Variants in F11R observed in about 807,000 individuals in gnomAD.
F11R encodes F11 receptor, also known as junctional adhesion molecule A.
A neutral mutation model predicts 39.3 loss-of-function variants in F11R; 27 were observed. The ratio of observed to expected loss-of-function variants is 0.69; its 90% CI spans 0.51 to 0.95. The LOEUF (loss-of-function observed/expected upper bound fraction) is 0.95, where lower values mean the gene tolerates loss of function less well. F11R is among the 40% of genes least tolerant of loss of function. The pLI is 0.00. For synonymous variants in F11R, 131 were observed against 144.9 expected (o/e 0.90, Z 0.69); for missense variants, 335 against 372.7 (o/e 0.90, Z 0.83).
chr1:161,018,195 T>C (rs1649567652), intron 1 of F11R, among the ~76,000 whole-genome samples: 1 of 152,204 alleles, frequency 6.6e-6, no homozygotes, highest in African/African-American at 2.4e-5. Flanking sequence ...GTGTCTACCC[T>C]CTGGATCTCT....
intron 1 of F11R, among the ~76,000 whole-genome samples, chr1:161,007,877 C>A (rs1337613901): frequency 6.6e-6 from 1 of 152,178 alleles, no homozygotes; most frequent in African/African-American, 2.4e-5. Flanking sequence ...CACAGCTGTA[C>A]CAGCAGAGCT....
rs1648418562 is a variant in F11R, at chr1:161,000,566, T to C, written c.388+65A>G. On this transcript the variant is annotated intron_variant, in intron 4 of 9. Transcript: ENST00000368026. ...TTCTCACCATCAAAGAGCTCCAAAG[T>C]GCAGCAGAGCCTGCTATGAGAAGTA... is the stretch of plus-strand genomic sequence containing the variant. 3 of 1,601,256 alleles carry C rather than the reference T, an allele frequency of 1.9e-6. No individual in the cohort carries two copies. The East Asian group carries it at 6.7e-5, about 36-fold the overall frequency.
intron 1 of F11R, among the ~76,000 whole-genome samples, chr1:161,018,944 A>C (rs1649601823): frequency 6.6e-6 from 1 of 152,236 alleles, no homozygotes; most frequent in Admixed American, 6.5e-5. Context: ...TTCCAGTGCC[A>C]GTATATGATT....
chr1:161,000,474 C>A (rs1648415604), intron 4 of F11R, 126 bp from the exon 5 acceptor site: 1 of 1,386,502 alleles, frequency 7.2e-7, no homozygotes, highest in Non-Finnish European at 1.0e-6. Context: ...CCCCTGGCTG[C>A]CACCTAACCA....
chr1:161,000,370 G>A, intron 4 of F11R, 22 bp from the exon 5 acceptor site: 3 of 1,610,902 alleles, frequency 1.9e-6, no homozygotes, highest in South Asian at 1.1e-5. Flanking sequence ...AAAGACAGAA[G>A]GTGCTGAGTA....
chr1:161,005,155 G>A (rs1269367036), intron 1 of F11R, among the ~76,000 whole-genome samples: 1 of 118,532 alleles, frequency 8.4e-6, no homozygotes, highest in Non-Finnish European at 2.0e-5. Flanking sequence ...GCAAGACTCT[G>A]TCTCAAAAAT....
At chr1:161,003,452 G>A (rs1648613141) in intron 1 of F11R, among the ~76,000 whole-genome samples, 1 of 151,946 alleles carries the variant, frequency 6.6e-6, no homozygotes, top group Non-Finnish European at 1.5e-5. Flanking sequence ...TAGTAGAGAT[G>A]GGGTTTCACC....
At chr1:161,011,235 A>G (rs909407659) in intron 1 of F11R, among the ~76,000 whole-genome samples, 3 of 151,714 alleles carry the variant, frequency 2.0e-5, no homozygotes, top group Admixed American at 2.0e-4. Context: ...GTTTCACCAC[A>G]TTGGCCAGGC....
intron 1 of F11R, among the ~76,000 whole-genome samples, chr1:161,015,507 C>T (rs1279782652): frequency 1.3e-5 from 2 of 150,672 alleles, no homozygotes; most frequent in African/African-American, 4.9e-5. Context: ...AGGAGAATCA[C>T]TTGAACCTGG....
intron 1 of F11R, among the ~76,000 whole-genome samples, chr1:161,018,388 C>CCT (rs1649578078): frequency 6.6e-6 from 1 of 152,208 alleles, no homozygotes; most frequent in African/African-American, 2.4e-5. Context: ...ACAAGCTAGA[C>CCT]ACCCAAGAAA....
Position 160,998,690 on chromosome 1 carries a change from G to A in F11R, c.*181C>T, listed in dbSNP as rs1187387342. 12 of 629,242 alleles carry A rather than the reference G, an allele frequency of 1.9e-5. No homozygotes were observed. Among genetic ancestry groups the A allele is most frequent in the Non-Finnish European group, 2.9e-5 (10 of 350,282 alleles). 39.0% of individuals were successfully genotyped at this position (629,242 alleles called of 1,614,324 possible). A position where few individuals can be genotyped will look rare whatever the true frequency, so the allele number is the denominator to read the frequency against. On this transcript the variant is annotated 3_prime_UTR_variant, in exon 10 of 10. Transcript: ENST00000368026. ...TCAGCAGTGGTAGGAAAGGGAGGGA[G>A]GGCATGAAGGAGGATGGGGCACATA... is the stretch of plus-strand genomic sequence containing the variant.
intron 1 of F11R, among the ~76,000 whole-genome samples, chr1:161,004,633 A>G (rs1648696301): frequency 6.6e-6 from 1 of 152,068 alleles, no homozygotes. Context: ...TACTTAAGCC[A>G]AAGAGTGGGA....
rs750426673 is a variant in F11R, at chr1:161,021,026, T to C, written c.48A>G (p.Ile16Met). 2.5e-6 allele frequency: 4 copies of C among 1,613,994 alleles called. No individual in the cohort carries two copies. Among genetic ancestry groups the C allele is most frequent in the South Asian group, 1.1e-5 (1 of 91,078 alleles). ...QVERKLLCLF[I>M]LAILLCSLAL... Reference sequence around the variant, plus strand: ...GGAACTTACACAACAGGATCGCCAATATGAAGAGGCACAACAGTTTCCTCT... The same window carrying C: ...GGAACTTACACAACAGGATCGCCAACATGAAGAGGCACAACAGTTTCCTCT... The change falls in exon 1 of 10, where the codon ATA (isoleucine) becomes ATG (methionine). Residue 16 changes from isoleucine (I) to methionine (M), a missense_variant. Coordinates refer to ENST00000368026, the MANE Select transcript of F11R (RefSeq NM_016946.6).
intron 1 of F11R, among the ~76,000 whole-genome samples, chr1:161,005,768 C>A (rs1455969125): frequency 2.0e-5 from 3 of 152,124 alleles, no homozygotes; most frequent in Non-Finnish European, 4.4e-5. Context: ...ATTCTCCTGC[C>A]TTGGCCTCCC....
rs1648109896 is a variant in F11R, at chr1:160,996,201, G to A, written c.*2670C>T. 2 of 152,320 alleles carry A rather than the reference G, an allele frequency of 1.3e-5. No homozygotes were observed. The highest frequency in any genetic ancestry group is 4.8e-5 in the African/African-American group (2 of 41,428). The allele number at this position is 152,320 out of a possible 1,614,324, so 9.4% of individuals were successfully genotyped here. ...TTCAGGATTTAAACAAACTCAATGT[G>A]AAAATAAACATTTATTATAAAAATT... On this transcript the variant is annotated 3_prime_UTR_variant, in exon 10 of 10. Transcript: ENST00000368026.
chr1:161,019,779 C>T lies in F11R; in HGVS notation c.64+1231G>A, dbSNP rs1050632685. Among the ~76,000 whole-genome samples the T allele has an allele frequency of 5.9e-5, 9 of 152,178 alleles. No homozygotes were observed. The East Asian group carries it at 1.4e-3, about 23-fold the overall frequency. On this transcript the variant is annotated intron_variant, in intron 1 of 9. Transcript: ENST00000368026. The stretch of plus-strand genomic sequence containing the variant: ...AAGTCAAGAGGGTTTGGTTCCATTC[C>T]CAGGTTCCACCCCTAACTCTATTGT...
chr1:161,001,323 T>G lies in F11R; in HGVS notation c.95A>C (p.His32Pro). Residue 32 changes from histidine to proline, a missense_variant, in exon 2 of 10, where the codon CAC becomes CCC. Coordinates refer to ENST00000368026, the MANE Select transcript of F11R (RefSeq NM_016946.6). ...CSLALGSVTVHSSEPEVRIPE... is the reference protein window; with the variant it reads ...CSLALGSVTVPSSEPEVRIPE... ...AATTCTGACTTCAGGTTCAGAAGAG[T>G]GCACTGTAACACTGCCCAATGCCAG... 1 of 1,613,946 alleles carries G rather than the reference T, an allele frequency of 6.2e-7. No homozygotes were observed.
chr1:161,010,742 T>C (rs1649105828), intron 1 of F11R, among the ~76,000 whole-genome samples: 1 of 151,992 alleles, frequency 6.6e-6, no homozygotes, highest in African/African-American at 2.4e-5. Context: ...TCCCAGCACT[T>C]CGGGAGGCTG....
rs200773434 is a variant in F11R, at chr1:160,999,218, T to G, written c.816-127A>C. On this transcript the variant is annotated intron_variant, in intron 8 of 9. Coordinates refer to ENST00000368026, the MANE Select transcript of F11R (RefSeq NM_016946.6). ...AGAGTGCGCAGCAGACAGGTATGGGTGGGGTAACAGGACAGACCCAGGGCC... is the reference window on the plus strand; with the variant it reads ...AGAGTGCGCAGCAGACAGGTATGGGGGGGGTAACAGGACAGACCCAGGGCC... 4.3e-5 allele frequency: 60 copies of G among 1,396,614 alleles called. 1 individual carries two copies. The highest frequency in any genetic ancestry group is 5.9e-5 in the Non-Finnish European group (58 of 983,612). 86.5% of individuals were successfully genotyped at this position (1,396,614 alleles called of 1,614,324 possible).
Sources: gnomAD v4.1 joint callset for allele counts (sites outside exome capture counted in the v4.1 genomes callset) on GRCh38, gnomAD v4.1.1 for gene constraint, MANE v1.5 for transcripts, NCBI Gene and HGNC (gene_info 2026-07-23, HGNC 2026-07-21) for gene names.